The following C8orf74 variants were observed in gnomAD, a reference collection of about 807,000 sequenced individuals.
C8orf74 encodes uncharacterized protein C8orf74.
In C8orf74, 29 loss-of-function variants were observed where a neutral mutation model predicts 22.2. The observed-to-expected ratio is 1.31, with a 90% CI of 0.97 to 1.78. The LOEUF is 1.78. Among genes scored for constraint, C8orf74 ranks in the 40% most tolerant of loss-of-function variants. The pLI, the probability that C8orf74 is intolerant of heterozygous loss-of-function variation, is 0.00. For synonymous variants in C8orf74, 255 were observed against 163.1 expected, an observed-to-expected ratio of 1.56 and a Z score of -4.30; for missense variants, 515 against 369.9, an observed-to-expected ratio of 1.39 and a Z score of -3.22.
intron 2 of C8orf74, among the ~76,000 whole-genome samples, chr8:10,678,683 G>C (rs935102521): frequency 6.6e-6 from 1 of 152,096 alleles, no homozygotes; most frequent in African/African-American, 2.4e-5. Flanking sequence ...GTTCTGCCCA[G>C]TGGGTGACTG....
intron 1 of C8orf74, 85 bp downstream of exon 1, chr8:10,672,798 A>C (rs2129055689): frequency 3.9e-6 from 5 of 1,285,644 alleles, no homozygotes; most frequent in South Asian, 3.8e-5. Flanking sequence ...GCGCCTCTTC[A>C]GGAGACCCCG....
At chr8:10,680,254 C>T (rs900398759) in intron 2 of C8orf74, among the ~76,000 whole-genome samples, 5 of 152,302 alleles carry the variant, frequency 3.3e-5, no homozygotes, top group East Asian at 1.9e-4. Flanking sequence ...ACTGCGGTCA[C>T]GACACTGCAT....
intron 2 of C8orf74, chr8:10,688,488 C>G (rs553504273): frequency 6.6e-6 from 1 of 152,324 alleles, no homozygotes. Context: ...GACAGAGGAG[C>G]CGAGCTTCAA....
intron 2 of C8orf74, among the ~76,000 whole-genome samples, chr8:10,678,401 G>A (rs1380486201): frequency 6.6e-6 from 1 of 152,120 alleles, no homozygotes; most frequent in Non-Finnish European, 1.5e-5. Context: ...CAAGGACCTG[G>A]GAACTCGAGG....
chr8:10,687,496 C>T (rs1358211514), intron 2 of C8orf74, among the ~76,000 whole-genome samples: 1 of 151,370 alleles, frequency 6.6e-6, no homozygotes, highest in Non-Finnish European at 1.5e-5. Flanking sequence ...ACTAAAAATA[C>T]AGCTACTTGG....
At position 10,700,565 on chromosome 8, in the gene C8orf74, T is replaced by C. The variant is rs2129059678; in HGVS notation, c.*94T>C. ...TGAGCTCAGCACCCACAGAGAGACT[T>C]CTTGTGATTAAAAGAAACAAACCCA... On this transcript the variant is annotated 3_prime_UTR_variant, in exon 4 of 4. Coordinates refer to ENST00000304519, the MANE Select transcript of C8orf74 (RefSeq NM_001040032.2). 4.0e-6 allele frequency: 3 copies of C among 744,576 alleles called. No individual in the cohort carries two copies. The highest frequency in any genetic ancestry group is 1.8e-5 in the African/African-American group (1 of 56,660). The allele number at this position is 744,576 out of a possible 1,614,324, so 46.1% of individuals were successfully genotyped here.
At chr8:10,682,748 C>T (rs1241203349) in intron 2 of C8orf74, among the ~76,000 whole-genome samples, 4 of 152,216 alleles carry the variant, frequency 2.6e-5, no homozygotes, top group East Asian at 1.9e-4. Context: ...GCCACCACTC[C>T]TCGGGTGAGC....
chr8:10,678,414 G>A (rs576191462), intron 2 of C8orf74, among the ~76,000 whole-genome samples: 2 of 152,284 alleles, frequency 1.3e-5, no homozygotes, highest in South Asian at 4.1e-4. Flanking sequence ...ACTCGAGGGA[G>A]CAGGATGTGA....
intron 2 of C8orf74, among the ~76,000 whole-genome samples, chr8:10,683,449 C>T (rs1231055895): frequency 6.6e-6 from 1 of 152,230 alleles, no homozygotes; most frequent in Non-Finnish European, 1.5e-5. Context: ...CCCCCAGCAT[C>T]AGAGGGGACA....
intron 2 of C8orf74, among the ~76,000 whole-genome samples, chr8:10,694,207 A>G (rs1799441860): frequency 6.6e-6 from 1 of 152,172 alleles, no homozygotes; most frequent in South Asian, 2.1e-4. Context: ...AGCAGGGGAT[A>G]TGACTTATTT....
intron 3 of C8orf74, among the ~76,000 whole-genome samples, chr8:10,698,901 C>CA (rs1554470269): frequency 1.1e-4 from 15 of 137,522 alleles, no homozygotes; most frequent in South Asian, 5.1e-4. Context: ...TACACACACA[C>CA]CACACACACA....
At chr8:10,685,595 T>C (rs1799246638) in intron 2 of C8orf74, among the ~76,000 whole-genome samples, 2 of 152,136 alleles carry the variant, frequency 1.3e-5, no homozygotes, top group African/African-American at 4.8e-5. Flanking sequence ...AGTAGTCAAA[T>C]TCATAGAGAC....
intron 2 of C8orf74, among the ~76,000 whole-genome samples, chr8:10,697,262 C>G (rs201247530): frequency 6.6e-6 from 1 of 152,060 alleles, no homozygotes; most frequent in Admixed American, 6.5e-5. Context: ...GTGATAACCT[C>G]ATCTCCACAA....
In C8orf74 at chr8:10,672,733, G is replaced by C; in HGVS notation, c.48+20G>C. 2.6e-6 allele frequency: 4 copies of C among 1,552,836 alleles called. No homozygotes were observed. The highest frequency in any genetic ancestry group is 3.5e-6 in the Non-Finnish European group (4 of 1,146,994). On this transcript the variant is annotated intron_variant, in intron 1 of 3. Transcript: ENST00000304519. ...CTTCAGGTGAAGGAAGAGAAAATGT[G>C]GCTTTTAAACAGAAACTGGCTCATC...
rs1031938942 is a variant in C8orf74, at chr8:10,699,072, A to G, written c.648+1067A>G. Reference sequence around the variant, plus strand: ...TCACGAAGACATTCAATAAAGACCCAACAAAACCCACGCAACAGTCTATGT... The same window carrying G: ...TCACGAAGACATTCAATAAAGACCCGACAAAACCCACGCAACAGTCTATGT... On this transcript the variant is annotated intron_variant, in intron 3 of 3. Coordinates refer to ENST00000304519, the MANE Select transcript of C8orf74 (RefSeq NM_001040032.2). 7.9e-5 allele frequency among the ~76,000 whole-genome samples: 12 copies of G among 152,202 alleles called. No individual in the cohort carries two copies. The South Asian group carries it at 2.5e-3, about 32-fold the overall frequency.
At chr8:10,683,087 G>C (rs1799186290) in intron 2 of C8orf74, among the ~76,000 whole-genome samples, 1 of 152,228 alleles carries the variant, frequency 6.6e-6, no homozygotes, top group Non-Finnish European at 1.5e-5. Flanking sequence ...GTGCAGGAAG[G>C]CCTGAGAAGC....
rs7812404 is a variant in C8orf74 at position 10,679,402 on chromosome 8, C to T, written c.241+4564C>T. On this transcript the variant is annotated intron_variant, in intron 2 of 3. Coordinates refer to ENST00000304519, the MANE Select transcript of C8orf74 (RefSeq NM_001040032.2). ...ATCGCTCGTGGAAATCACAGCCTTT[C>T]CTCCCTCGGCTTTGCTCAGTTGTTT... Among the ~76,000 whole-genome samples the T allele has an allele frequency of 2.3e-3, 350 of 152,298 alleles. 3 individuals carry two copies. The highest frequency in any genetic ancestry group is 8.0e-3 in the African/African-American group (331 of 41,568).
intron 2 of C8orf74, among the ~76,000 whole-genome samples, chr8:10,678,984 C>T (rs1799091523): frequency 6.6e-6 from 1 of 152,188 alleles, no homozygotes; most frequent in African/African-American, 2.4e-5. Flanking sequence ...GGGTAGAATT[C>T]CAGCTGCACC....
At chr8:10,685,097 G>A (rs1169664596) in intron 2 of C8orf74, among the ~76,000 whole-genome samples, 1 of 152,208 alleles carries the variant, frequency 6.6e-6, no homozygotes, top group Non-Finnish European at 1.5e-5. Flanking sequence ...TATTTCCGGA[G>A]ATTTTTACTT....
Sources: allele counts gnomAD v4.1 joint callset (sites outside exome capture counted in the v4.1 genomes callset), GRCh38; gene constraint gnomAD v4.1.1; transcripts MANE v1.5; gene names NCBI Gene and HGNC (gene_info 2026-07-23, HGNC 2026-07-21).